The following HTR1E variants were observed in gnomAD, a reference collection of about 807,000 sequenced individuals.
HTR1E encodes the protein 5-HT-1E.
Under a neutral mutation model 3.4 loss-of-function variants are expected in HTR1E, and 3 were observed. The ratio of observed to expected loss-of-function variants is 0.89; its 90% CI spans 0.41 to 2.31. The LOEUF (loss-of-function observed/expected upper bound fraction) is 2.31. HTR1E is among the 30% of genes most tolerant of loss of function. The probability of loss-of-function intolerance (pLI) is 0.05; values close to 1 mark genes in which losing one functional copy is unlikely to be tolerated. For synonymous variants in HTR1E, 170 were observed against 182.8 expected (o/e 0.93, Z 0.56); for missense variants, 392 against 467.0 (o/e 0.84, Z 1.48).
At chr6:86,938,972 C>T (rs908199848) in intron 1 of HTR1E, among the ~76,000 whole-genome samples, 2 of 152,158 alleles carry the variant, frequency 1.3e-5, no homozygotes, top group Non-Finnish European at 2.9e-5. Context: ...CTTACTTAAT[C>T]CTGCGCAAGA....
At chr6:86,949,667 G>C (rs1471109358) in intron 1 of HTR1E, among the ~76,000 whole-genome samples, 1 of 151,694 alleles carries the variant, frequency 6.6e-6, no homozygotes, top group Non-Finnish European at 1.5e-5. Flanking sequence ...TAGGATTATA[G>C]GTTATCACAA....
At chr6:86,959,814 T>G (rs937060163) in intron 1 of HTR1E, among the ~76,000 whole-genome samples, 13 of 152,158 alleles carry the variant, frequency 8.5e-5, no homozygotes, top group Non-Finnish European at 1.9e-4. Flanking sequence ...TGTTCAGCCA[T>G]AGGAGCCCTT....
At chr6:86,969,224 G>C (rs939846237) in intron 1 of HTR1E, among the ~76,000 whole-genome samples, 2 of 152,134 alleles carry the variant, frequency 1.3e-5, no homozygotes, top group African/African-American at 4.8e-5. Context: ...CACAGAAACA[G>C]CAATATGCAG....
chr6:86,956,028 A>G (rs1042655331), intron 1 of HTR1E, among the ~76,000 whole-genome samples: 3 of 152,154 alleles, frequency 2.0e-5, no homozygotes, highest in African/African-American at 7.2e-5. Flanking sequence ...TTGGGGCACA[A>G]TGGACCAGCA....
intron 1 of HTR1E, among the ~76,000 whole-genome samples, chr6:87,003,522 G>C (rs539107249): frequency 4.9e-5 from 7 of 143,472 alleles, no homozygotes; most frequent in African/African-American, 1.8e-4. Flanking sequence ...CTGGGCAACA[G>C]AGAGAGACTC....
intron 1 of HTR1E, among the ~76,000 whole-genome samples, chr6:86,943,043 T>C (rs1417413060): frequency 6.6e-6 from 1 of 152,218 alleles, no homozygotes; most frequent in Non-Finnish European, 1.5e-5. Context: ...TTGCATTAAG[T>C]GTACTGAGTA....
At chr6:86,958,259 T>C (rs190484032) in intron 1 of HTR1E, among the ~76,000 whole-genome samples, 2 of 152,004 alleles carry the variant, frequency 1.3e-5, no homozygotes, top group Non-Finnish European at 2.9e-5. Context: ...GAGGTTTCAC[T>C]GTGTTAGCCA....
chr6:86,945,997 C>A (rs937392918), intron 1 of HTR1E, among the ~76,000 whole-genome samples: 8 of 152,106 alleles, frequency 5.3e-5, no homozygotes, highest in Admixed American at 2.0e-4. Flanking sequence ...CCTCGGCCTC[C>A]CAAAGTGCTG....
chr6:86,939,771 G>A (rs1178501991), intron 1 of HTR1E, among the ~76,000 whole-genome samples: 1 of 152,120 alleles, frequency 6.6e-6, no homozygotes, highest in African/African-American at 2.4e-5. Flanking sequence ...TTCCTCTTCT[G>A]CCATAATGAC....
chr6:87,002,598 T>C (rs777553298), intron 1 of HTR1E, among the ~76,000 whole-genome samples: 18 of 152,172 alleles, frequency 1.2e-4, no homozygotes, highest in Admixed American at 5.9e-4. Context: ...TTTTACAGAG[T>C]GCTGATAGTG....
At chr6:86,955,561 G>A (rs1486739327) in intron 1 of HTR1E, among the ~76,000 whole-genome samples, 1 of 152,188 alleles carries the variant, frequency 6.6e-6, no homozygotes, top group Non-Finnish European at 1.5e-5. Context: ...TCATGCTCAG[G>A]CTTCTGATCC....
chr6:86,997,938 G>T (rs1767967322), intron 1 of HTR1E, among the ~76,000 whole-genome samples: 1 of 151,828 alleles, frequency 6.6e-6, no homozygotes, highest in Non-Finnish European at 1.5e-5. Flanking sequence ...AAGAAAGTTG[G>T]AATGGCTATA....
At chr6:87,009,072 TA>T (rs1376744199) in intron 1 of HTR1E, among the ~76,000 whole-genome samples, 22 of 152,014 alleles carry the variant, frequency 1.4e-4, no homozygotes, top group Non-Finnish European at 8.8e-5. Context: ...TTTTTTAATT[TA>T]TTTTTTTATT....
chr6:86,938,551 C>T (rs1209444491), intron 1 of HTR1E, among the ~76,000 whole-genome samples: 1 of 152,160 alleles, frequency 6.6e-6, no homozygotes, highest in East Asian at 1.9e-4. Context: ...GGTTTTGCAT[C>T]TATATGTATA....
chr6:87,003,244 G>A (rs1562072242), intron 1 of HTR1E, among the ~76,000 whole-genome samples: 1 of 152,152 alleles, frequency 6.6e-6, no homozygotes, highest in Admixed American at 6.6e-5. Context: ...AAGGGCCTAA[G>A]AAGGAAATTG....
intron 1 of HTR1E, among the ~76,000 whole-genome samples, chr6:86,966,689 T>G (rs1209637913): frequency 1.3e-5 from 2 of 152,136 alleles, no homozygotes; most frequent in Non-Finnish European, 2.9e-5. Flanking sequence ...TGGGGACTGA[T>G]TCAGAAAAGA....
At chr6:86,992,427 T>C (rs1396960310) in intron 1 of HTR1E, among the ~76,000 whole-genome samples, 1 of 152,188 alleles carries the variant, frequency 6.6e-6, no homozygotes, top group African/African-American at 2.4e-5. Context: ...TTCTCAAGCC[T>C]ACTATGAATG....
chr6:86,955,305 T>C (rs1325222596), intron 1 of HTR1E, among the ~76,000 whole-genome samples: 1 of 152,220 alleles, frequency 6.6e-6, no homozygotes, highest in Non-Finnish European at 1.5e-5. Flanking sequence ...CTATTCTGTA[T>C]GTTTGTTATC....
At chr6:87,015,129 C>G (rs375940869) in intron 1 of HTR1E, 21 bp from the exon 2 acceptor site, 2 of 382,746 alleles carry the variant, frequency 5.2e-6, no homozygotes, top group Non-Finnish European at 9.2e-6. Context: ...ATTCATTAAC[C>G]AATAGCATAA....
Sources: gnomAD v4.1 joint callset for allele counts (sites outside exome capture counted in the v4.1 genomes callset) on GRCh38, gnomAD v4.1.1 for gene constraint, MANE v1.5 for transcripts, NCBI Gene and HGNC (gene_info 2026-07-23, HGNC 2026-07-21) for gene names.